Variants in FGD6 observed in about 807,000 individuals in gnomAD.
FGD6 encodes the protein FYVE, RhoGEF and PH domain-containing protein 6.
FGD6 carries 90 observed loss-of-function variants against 149.4 expected under a neutral mutation model. The observed-to-expected ratio is 0.60, with a 90% CI of 0.51 to 0.72. FGD6 has a LOEUF of 0.72. FGD6 is among the 30% of genes least tolerant of loss of function. The probability of loss-of-function intolerance (pLI) is 0.00; values close to 1 mark genes in which losing one functional copy is unlikely to be tolerated. For missense variants in FGD6, 1,437 were observed against 1,684.8 expected, an observed-to-expected ratio of 0.85 and a Z score of 2.57; for synonymous variants, 527 against 584.0, an observed-to-expected ratio of 0.90 and a Z score of 1.41.
intron 2 of FGD6, among the ~76,000 whole-genome samples, chr12:95,178,711 A>G (rs1881199798): frequency 6.6e-6 from 1 of 152,182 alleles, no homozygotes; most frequent in South Asian, 2.1e-4. Flanking sequence ...AAAATCCTAT[A>G]ATGTATATAT....
intron 17 of FGD6, among the ~76,000 whole-genome samples, chr12:95,090,000 T>C (rs1877999939): frequency 6.6e-6 from 1 of 151,974 alleles, no homozygotes; most frequent in Non-Finnish European, 1.5e-5. Context: ...CCTACTGCCG[T>C]AAACCCCAAA....
chr12:95,077,051 T>TA lies in FGD6; in HGVS notation c.*4468dup, dbSNP rs567559257. ...AAAATTTCCTACTACCTTTATCTTT[T>TA]AAAAAACCCTACTCAAAACAACTAT... On this transcript the variant is annotated 3_prime_UTR_variant, in exon 21 of 21. Coordinates refer to ENST00000343958, the MANE Select transcript of FGD6 (RefSeq NM_018351.4). The TA allele has an allele frequency of 1.3e-5, 2 of 152,138 alleles. No homozygotes were observed. The highest frequency in any genetic ancestry group is 2.9e-5 in the Non-Finnish European group (2 of 68,038). The allele number at this position is 152,138 out of a possible 1,614,324, so 9.4% of individuals were successfully genotyped here.
intron 5 of FGD6, among the ~76,000 whole-genome samples, chr12:95,145,397 G>A (rs1427973701): frequency 6.6e-6 from 1 of 152,050 alleles, no homozygotes; most frequent in Non-Finnish European, 1.5e-5. Context: ...TCCAGTTTTA[G>A]CAAGAACCTC....
intron 2 of FGD6, among the ~76,000 whole-genome samples, chr12:95,188,382 C>T (rs1030089874): frequency 2.0e-5 from 3 of 150,816 alleles, no homozygotes; most frequent in East Asian, 1.9e-4. Flanking sequence ...AAGCACCATC[C>T]GTGTGTGTGT....
intron 6 of FGD6, among the ~76,000 whole-genome samples, chr12:95,137,987 G>A (rs78776477): frequency 0.031 from 4,657 of 151,708 alleles, 168 homozygotes; most frequent in Admixed American, 0.082. Context: ...TTTGGGAGCC[G>A]AGGTGGGCAG....
intron 8 of FGD6, among the ~76,000 whole-genome samples, chr12:95,115,306 T>C (rs1023958545): frequency 6.6e-6 from 1 of 152,004 alleles, no homozygotes; most frequent in Admixed American, 6.6e-5. Flanking sequence ...GCTGCAATCA[T>C]TGCTCACTAC....
chr12:95,088,255 G>A (rs1295372918), intron 18 of FGD6, among the ~76,000 whole-genome samples: 4 of 152,042 alleles, frequency 2.6e-5, no homozygotes, highest in African/African-American at 4.8e-5. Context: ...TGGGGGTGAG[G>A]GACTATAAAA....
intron 8 of FGD6, among the ~76,000 whole-genome samples, chr12:95,124,921 T>C (rs891631248): frequency 6.6e-5 from 10 of 152,194 alleles, no homozygotes; most frequent in Non-Finnish European, 1.5e-5. Context: ...TGGTACTTAT[T>C]ACATCTGCCA....
At chr12:95,131,406 G>T (rs536421070) in intron 8 of FGD6, among the ~76,000 whole-genome samples, 84 of 152,270 alleles carry the variant, frequency 5.5e-4, no homozygotes, top group Non-Finnish European at 9.1e-4. Flanking sequence ...ACCACACCTG[G>T]TGAGATGTTT....
Position 95,211,049 on chromosome 12 carries a change from G to T in FGD6, c.235C>A (p.Leu79Met), listed in dbSNP as rs1220477254. The part of the protein sequence containing the change: ...QSPSRKIMLN[L>M]EGHKQELAES... ...GCTAATTCCTGTTTATGCCCTTCCA[G>T]GTTCAACATGATTTTCCTTGATGGC... Residue 79 changes from leucine to methionine, a missense_variant, in exon 2 of 21, where the codon CTG (leucine) becomes ATG (methionine). Physicochemically the swap from Leu to Met is conservative, Grantham distance 15. Coordinates refer to ENST00000343958, the MANE Select transcript of FGD6 (RefSeq NM_018351.4). 6.2e-7 allele frequency: 1 copy of T among 1,614,132 alleles called. No individual in the cohort carries two copies. Among genetic ancestry groups the T allele is most frequent in the Non-Finnish European group, 8.5e-7 (1 of 1,180,026 alleles).
chr12:95,116,163 C>G (rs1432131156), intron 8 of FGD6, among the ~76,000 whole-genome samples: 3 of 152,246 alleles, frequency 2.0e-5, no homozygotes, highest in Non-Finnish European at 2.9e-5. Context: ...CACTCTGACC[C>G]CACTCAGAAT....
At position 95,216,163 on chromosome 12, in the gene FGD6, A is replaced by G. The variant is rs1202825086; in HGVS notation, c.16+1062T>C. ...ATCTGATCACAGGGAGCAATGCAACACTACAATATATCTAGGCTTTAGAAA... is the reference window on the plus strand; with the variant it reads ...ATCTGATCACAGGGAGCAATGCAACGCTACAATATATCTAGGCTTTAGAAA... On this transcript the variant is annotated intron_variant, in intron 1 of 20. Coordinates refer to ENST00000343958, the MANE Select transcript of FGD6 (RefSeq NM_018351.4). Among the ~76,000 whole-genome samples, 5 of 152,234 alleles carry G rather than the reference A, an allele frequency of 3.3e-5. 1 individual carries two copies. Among genetic ancestry groups the G allele is most frequent in the Admixed American group, 3.3e-4 (5 of 15,284 alleles).
intron 19 of FGD6, 80 bp from the exon 20 acceptor site, chr12:95,084,726 C>T (rs1266751312): frequency 5.2e-6 from 6 of 1,159,500 alleles, no homozygotes; most frequent in Non-Finnish European, 7.1e-6. Context: ...ATCTACATAG[C>T]TCTAATTTAA....
At chr12:95,107,678 A>C in intron 11 of FGD6, 47 bp from the exon 12 acceptor site, 2 of 1,583,038 alleles carry the variant, frequency 1.3e-6, no homozygotes, top group South Asian at 1.1e-5. Flanking sequence ...ATCACAACAC[A>C]ACGACAATAT....
At chr12:95,099,612 A>G (rs1017487818) in intron 14 of FGD6, among the ~76,000 whole-genome samples, 1 of 152,042 alleles carries the variant, frequency 6.6e-6, no homozygotes, top group African/African-American at 2.4e-5. Flanking sequence ...TAGTAATCCT[A>G]TTGGGTTTTT....
At chr12:95,179,263 G>C (rs979579380) in intron 2 of FGD6, among the ~76,000 whole-genome samples, 1 of 151,786 alleles carries the variant, frequency 6.6e-6, no homozygotes, top group African/African-American at 2.4e-5. Context: ...GGGAGGCTGT[G>C]GGGGGTGGGG....
chr12:95,201,066 T>G (rs2056657147), intron 2 of FGD6, among the ~76,000 whole-genome samples: 1 of 152,168 alleles, frequency 6.6e-6, no homozygotes, highest in Non-Finnish European at 1.5e-5. Flanking sequence ...AGACCAAATT[T>G]ATCTATGCGA....
chr12:95,203,479 T>C (rs1235345781), intron 2 of FGD6, among the ~76,000 whole-genome samples: 1 of 152,186 alleles, frequency 6.6e-6, no homozygotes, highest in Non-Finnish European at 1.5e-5. Context: ...ATCACGCCCA[T>C]TTAAAAAAGA....
At chr12:95,171,354 G>T (rs1397074453) in intron 3 of FGD6, among the ~76,000 whole-genome samples, 7 of 152,136 alleles carry the variant, frequency 4.6e-5, no homozygotes, top group Admixed American at 4.6e-4. Flanking sequence ...GGCTTGCTAT[G>T]CTATGTGGAT....
Sources: gnomAD v4.1 joint callset for allele counts (sites outside exome capture counted in the v4.1 genomes callset) on GRCh38, gnomAD v4.1.1 for gene constraint, MANE v1.5 for transcripts, NCBI Gene and HGNC (gene_info 2026-07-23, HGNC 2026-07-21) for gene names.